The following SLC35F4 variants were observed in gnomAD, a reference collection of about 807,000 sequenced individuals.
SLC35F4 encodes the protein chromosome 14 open reading frame 36.
A neutral mutation model predicts 44.2 loss-of-function variants in SLC35F4; 24 were observed. The observed-to-expected ratio is 0.54, with a 90% CI of 0.39 to 0.76. The LOEUF (loss-of-function observed/expected upper bound fraction) is 0.76. Among genes scored for constraint, SLC35F4 ranks in the 30% least tolerant of loss-of-function variants. The probability of loss-of-function intolerance (pLI) is 0.00; values close to 1 mark genes in which losing one functional copy is unlikely to be tolerated. For missense variants in SLC35F4, 562 were observed against 586.1 expected (o/e 0.96, Z 0.42); for synonymous variants, 238 against 223.6 (o/e 1.06, Z -0.57).
At chr14:57,914,512 G>C (rs187009249) in intron 1 of SLC35F4, among the ~76,000 whole-genome samples, 2 of 151,860 alleles carry the variant, frequency 1.3e-5, no homozygotes, top group African/African-American at 4.8e-5. Flanking sequence ...GCAGTGAGCC[G>C]AGATCGCGCC....
intron 1 of SLC35F4, among the ~76,000 whole-genome samples, chr14:57,882,531 T>A (rs1932242): frequency 6.6e-6 from 1 of 152,022 alleles, no homozygotes; most frequent in African/African-American, 2.4e-5. Context: ...CAAGCTACTA[T>A]AGGCAGAGAG....
At chr14:57,617,414 G>A (rs1451085035) in intron 1 of SLC35F4, among the ~76,000 whole-genome samples, 1 of 151,978 alleles carries the variant, frequency 6.6e-6, no homozygotes, top group Non-Finnish European at 1.5e-5. Context: ...ACAAGCATGA[G>A]CCACCGCGCC....
rs1055302968 is a variant in SLC35F4, at chr14:57,609,581, T to A, written c.104-15457A>T. 1.4e-4 allele frequency among the ~76,000 whole-genome samples: 21 copies of A among 152,370 alleles called. 1 individual carries two copies. The highest frequency in any genetic ancestry group is 3.4e-3 in the Middle Eastern group (1 of 294). On this transcript the variant is annotated intron_variant, in intron 1 of 7. Coordinates refer to ENST00000556826, the MANE Select transcript of SLC35F4 (RefSeq NM_001306087.2). The stretch of plus-strand genomic sequence containing the variant: ...TATGGGAGCTATGCAAGTATTAGAA[T>A]GCTTAATGTGCTGTTGCTGACAGTT...
chr14:57,813,048 A>G (rs1882148680), intron 1 of SLC35F4, among the ~76,000 whole-genome samples: 1 of 152,212 alleles, frequency 6.6e-6, no homozygotes. Flanking sequence ...GAGTATTATT[A>G]TCTCTTTTTC....
intron 1 of SLC35F4, among the ~76,000 whole-genome samples, chr14:57,924,820 G>A (rs1010285931): frequency 2.9e-4 from 44 of 151,500 alleles, no homozygotes; most frequent in African/African-American, 9.0e-4. Context: ...TTTTGAGATA[G>A]GGTCTCACTG....
chr14:57,948,467 T>C (rs893629575), intron 1 of SLC35F4, among the ~76,000 whole-genome samples: 10 of 152,158 alleles, frequency 6.6e-5, no homozygotes, highest in African/African-American at 2.2e-4. Context: ...ATTTTGTTTA[T>C]CTTTCCAAAT....
chr14:57,828,032 T>G (rs971583702), intron 1 of SLC35F4, among the ~76,000 whole-genome samples: 21 of 152,082 alleles, frequency 1.4e-4, no homozygotes, highest in African/African-American at 5.1e-4. Flanking sequence ...TAATTTCCAT[T>G]AAAGGGACCT....
intron 1 of SLC35F4, among the ~76,000 whole-genome samples, chr14:57,786,394 G>A (rs2077759577): frequency 6.6e-6 from 1 of 152,106 alleles, no homozygotes; most frequent in East Asian, 1.9e-4. Flanking sequence ...GCCCACTGCT[G>A]GTCCCTCTCC....
intron 3 of SLC35F4, among the ~76,000 whole-genome samples, chr14:57,585,150 G>A (rs950004806): frequency 2.0e-5 from 3 of 152,050 alleles, no homozygotes; most frequent in Non-Finnish European, 4.4e-5. Flanking sequence ...TCAACTCACG[G>A]TGAGAATTAA....
chr14:57,939,425 G>A (rs774711046), intron 1 of SLC35F4, among the ~76,000 whole-genome samples: 2 of 152,184 alleles, frequency 1.3e-5, no homozygotes, highest in East Asian at 3.9e-4. Context: ...ATCAATGTCA[G>A]CAGAGCAAGC....
intron 1 of SLC35F4, among the ~76,000 whole-genome samples, chr14:57,707,889 T>C (rs150462524): frequency 1.0e-3 from 155 of 152,338 alleles, no homozygotes; most frequent in African/African-American, 3.6e-3. Context: ...CATTCCTTGG[T>C]GTAGGCCGAA....
intron 1 of SLC35F4, among the ~76,000 whole-genome samples, chr14:57,964,882 CAT>C (rs1890406220): frequency 6.6e-6 from 1 of 150,732 alleles, no homozygotes; most frequent in Non-Finnish European, 1.5e-5. Context: ...TCTTAGCACA[CAT>C]GTTGAGATTT....
chr14:57,576,902 G>A (rs1038780593), intron 4 of SLC35F4, among the ~76,000 whole-genome samples: 2 of 152,150 alleles, frequency 1.3e-5, no homozygotes, highest in Non-Finnish European at 2.9e-5. Context: ...ATGTTGAAGG[G>A]GTTACAGATT....
chr14:57,977,768 G>A (rs1198917518), intron 1 of SLC35F4, among the ~76,000 whole-genome samples: 2 of 152,280 alleles, frequency 1.3e-5, no homozygotes, highest in South Asian at 2.1e-4. Context: ...CTCAGTAGAT[G>A]AGTGCCGACT....
At chr14:57,675,387 T>C (rs543142816) in intron 1 of SLC35F4, among the ~76,000 whole-genome samples, 24 of 152,180 alleles carry the variant, frequency 1.6e-4, no homozygotes, top group Non-Finnish European at 2.4e-4. Context: ...GATTAGTGGA[T>C]TGAAAAAGGG....
chr14:57,790,378 A>C (rs964645210), intron 1 of SLC35F4, among the ~76,000 whole-genome samples: 1 of 152,214 alleles, frequency 6.6e-6, no homozygotes, highest in Non-Finnish European at 1.5e-5. Context: ...GTGAACTCCC[A>C]TTCATAATTG....
chr14:57,962,642 A>G (rs1038717742), intron 1 of SLC35F4, among the ~76,000 whole-genome samples: 1 of 152,256 alleles, frequency 6.6e-6, no homozygotes, highest in Non-Finnish European at 1.5e-5. Flanking sequence ...AAATAAGGTC[A>G]TGATTGAAAC....
intron 1 of SLC35F4, among the ~76,000 whole-genome samples, chr14:57,921,685 C>T (rs1046946378): frequency 1.3e-5 from 2 of 152,156 alleles, no homozygotes; most frequent in African/African-American, 4.8e-5. Context: ...GCCATCTTCT[C>T]CCTGTCTTCC....
chr14:57,619,102 C>A (rs964155680), intron 1 of SLC35F4, among the ~76,000 whole-genome samples: 22 of 152,176 alleles, frequency 1.4e-4, no homozygotes, highest in African/African-American at 4.3e-4. Context: ...AAAGGGGCAA[C>A]TGTGGGTTCA....
Sources: allele counts gnomAD v4.1 joint callset (sites outside exome capture counted in the v4.1 genomes callset), GRCh38; gene constraint gnomAD v4.1.1; transcripts MANE v1.5; gene names NCBI Gene and HGNC (gene_info 2026-07-23, HGNC 2026-07-21).